Variants in ZC3H12B observed in about 807,000 individuals in gnomAD.
The protein encoded by ZC3H12B is zinc finger CCCH-type containing 12B.
Under a neutral mutation model 43.9 loss-of-function variants are expected in ZC3H12B, and 7 were observed. The ratio of observed to expected loss-of-function variants is 0.16; its 90% confidence interval spans 0.09 to 0.30. The LOEUF (loss-of-function observed/expected upper bound fraction) is 0.30. Among genes scored for constraint, ZC3H12B ranks in the 10% least tolerant of loss-of-function variants. ZC3H12B has a pLI of 1.00. For missense variants in ZC3H12B, 475 were observed against 670.2 expected, an observed-to-expected ratio of 0.71 and a Z score of 3.22; for synonymous variants, 222 against 241.7, an observed-to-expected ratio of 0.92 and a Z score of 0.76.
the ZC3H12B span, among the ~76,000 whole-genome samples, chrX:65,094,316 G>T: frequency 1.9e-5 from 2 of 106,423 alleles, no homozygotes; most frequent in South Asian, 4.3e-4. Context: ...ATAGCAATTC[G>T]AGTACTGACT....
At chrX:65,197,988 C>T in the ZC3H12B span, among the ~76,000 whole-genome samples, 4 of 112,384 alleles carry the variant, frequency 3.6e-5, no homozygotes, top group Admixed American at 1.9e-4. Flanking sequence ...GCTAGATCAA[C>T]GTACACATCC....
At chrX:65,212,241 T>TTATATTATA in the ZC3H12B span, among the ~76,000 whole-genome samples, 1 of 3,438 alleles carries the variant, frequency 2.9e-4, no homozygotes, top group Non-Finnish European at 5.8e-4. Flanking sequence ...TATAGTATAA[T>TTATATTATA]TATTATATAA....
the ZC3H12B span, among the ~76,000 whole-genome samples, chrX:65,070,108 T>G: frequency 9.1e-6 from 1 of 109,633 alleles, no homozygotes; most frequent in Non-Finnish European, 1.9e-5. Flanking sequence ...TATTACTAAT[T>G]AAATTTCAGA....
the ZC3H12B span, among the ~76,000 whole-genome samples, chrX:65,295,603 G>T: frequency 9.0e-6 from 1 of 110,837 alleles, no homozygotes; most frequent in Non-Finnish European, 1.9e-5. Context: ...AAGGACAAAA[G>T]ATAAAACAAA....
exon 5 of ZC3H12B, chrX:65,506,005 T>C: frequency 8.9e-6 from 1 of 112,116 alleles, no homozygotes. Context: ...TAGAAACAAA[T>C]GTACAAAACT....
the ZC3H12B span, among the ~76,000 whole-genome samples, chrX:65,153,621 C>T: frequency 1.8e-5 from 2 of 112,077 alleles, no homozygotes; most frequent in Admixed American, 9.5e-5. Context: ...AACACTTTTA[C>T]ACTGTTGGTG....
the ZC3H12B span, among the ~76,000 whole-genome samples, chrX:65,253,199 G>A: frequency 5.4e-5 from 6 of 111,997 alleles, no homozygotes; most frequent in Non-Finnish European, 1.1e-4. Context: ...GAGTCATTGA[G>A]AATGGAGAGA....
At chrX:65,383,571 A>C (rs1256302928) in intron 2 of ZC3H12B, among the ~76,000 whole-genome samples, 31 of 111,856 alleles carry the variant, frequency 2.8e-4, no homozygotes, top group African/African-American at 1.0e-3. Context: ...AAACACCAAA[A>C]GCAATGGCAA....
intron 3 of ZC3H12B, among the ~76,000 whole-genome samples, chrX:65,479,993 A>G (rs1040058729): frequency 1.8e-5 from 2 of 112,597 alleles, no homozygotes; most frequent in Non-Finnish European, 3.7e-5. Context: ...CCTATGCCCT[A>G]TGGAGATGAT....
chrX:65,334,232 C>T, the ZC3H12B span, among the ~76,000 whole-genome samples: 4 of 111,754 alleles, frequency 3.6e-5, no homozygotes, highest in African/African-American at 1.3e-4. Context: ...GCTTTTATTC[C>T]AATGTTCAAT....
chrX:65,103,482 G>A, the ZC3H12B span, among the ~76,000 whole-genome samples: 3 of 111,342 alleles, frequency 2.7e-5, no homozygotes, highest in Non-Finnish European at 5.7e-5. Context: ...ATCACAGGGT[G>A]CTGAGGCGAC....
chrX:65,324,580 T>C, the ZC3H12B span, among the ~76,000 whole-genome samples: 1 of 111,776 alleles, frequency 8.9e-6, no homozygotes, highest in Non-Finnish European at 1.9e-5. Context: ...TGAACATATT[T>C]AATTTCCATG....
the ZC3H12B span, among the ~76,000 whole-genome samples, chrX:65,154,591 G>A: frequency 2.0e-4 from 23 of 112,270 alleles, no homozygotes; most frequent in Admixed American, 3.8e-4. Flanking sequence ...ACCATTGGCC[G>A]TGTGGCGGTT....
chrX:65,332,025 T>G, the ZC3H12B span, among the ~76,000 whole-genome samples: 1 of 111,382 alleles, frequency 9.0e-6, no homozygotes, highest in African/African-American at 3.3e-5. Flanking sequence ...TATGCCAACC[T>G]TCTATCTCAT....
the ZC3H12B span, among the ~76,000 whole-genome samples, chrX:65,310,101 G>A: frequency 1.7e-3 from 194 of 111,989 alleles, 1 homozygote; most frequent in African/African-American, 5.8e-3. Context: ...AGACATGGAT[G>A]CCCTCTCTCA....
the ZC3H12B span, among the ~76,000 whole-genome samples, chrX:65,122,018 G>T: frequency 1.8e-5 from 2 of 111,302 alleles, no homozygotes; most frequent in Non-Finnish European, 3.8e-5. Flanking sequence ...GAGACAGTTT[G>T]TTATAATTTC....
the ZC3H12B span, among the ~76,000 whole-genome samples, chrX:65,141,350 TATA>T: frequency 9.1e-6 from 1 of 109,942 alleles, no homozygotes; most frequent in Non-Finnish European, 1.9e-5. Context: ...AAATTTAATT[TATA>T]ATAATTTATT....
the ZC3H12B span, among the ~76,000 whole-genome samples, chrX:65,212,556 TTA>T: frequency 5.9e-4 from 46 of 77,807 alleles, 2 homozygotes; most frequent in South Asian, 0.014. Context: ...ATATATTATA[TTA>T]TATGTTATAT....
the ZC3H12B span, chrX:65,330,794 G>T: frequency 1.3e-5 from 2 of 152,582 alleles, no homozygotes; most frequent in Admixed American, 7.7e-5. Context: ...TGTGTTGCTG[G>T]ATTCGGTTTG....
Sources: gnomAD v4.1 joint callset for allele counts (sites outside exome capture counted in the v4.1 genomes callset) on GRCh38, gnomAD v4.1.1 for gene constraint, MANE v1.5 for transcripts, NCBI Gene and HGNC (gene_info 2026-07-23, HGNC 2026-07-21) for gene names.